Variants in AAK1 observed in about 807,000 individuals in gnomAD.
AAK1 encodes the protein AP2 associated kinase 1.
Under a neutral mutation model 116.0 loss-of-function variants are expected in AAK1, and 37 were observed. That is an observed-to-expected ratio of 0.32 (90% CI 0.25 to 0.42). AAK1 has a LOEUF of 0.42. Ranked by LOEUF, AAK1 falls within the 10% of genes least tolerant of loss-of-function variation. The pLI is 1.00. For missense variants in AAK1, 919 were observed against 1,170.6 expected, an observed-to-expected ratio of 0.79 and a Z score of 3.14; for synonymous variants, 458 against 439.9, an observed-to-expected ratio of 1.04 and a Z score of -0.51.
intron 11 of AAK1, 60 bp from the exon 12 acceptor site, chr2:69,519,300 C>A: frequency 6.8e-7 from 1 of 1,469,380 alleles, no homozygotes; most frequent in Non-Finnish European, 9.0e-7. Context: ...AAATGGCTTT[C>A]TGTCTTGCCA....
At chr2:69,479,091 A>C in intron 19 of AAK1, 30 bp from the exon 20 acceptor site, 4 of 1,452,464 alleles carry the variant, frequency 2.8e-6, no homozygotes, top group Middle Eastern at 1.7e-4. Context: ...ATCCCAGGTC[A>C]GTGATGGCAT....
intron 2 of AAK1, among the ~76,000 whole-genome samples, chr2:69,632,566 T>C (rs903835655): frequency 5.9e-5 from 9 of 151,712 alleles, no homozygotes; most frequent in African/African-American, 2.2e-4. Flanking sequence ...GGTGTGACTT[T>C]AGGCAAATCA....
chr2:69,556,115 C>G (rs184296366), intron 3 of AAK1, among the ~76,000 whole-genome samples: 38 of 152,256 alleles, frequency 2.5e-4, no homozygotes, highest in African/African-American at 9.2e-4. Flanking sequence ...GTCTAATTAA[C>G]ATAACAAAAT....
At chr2:69,487,469 C>T (rs551201466) in intron 17 of AAK1, among the ~76,000 whole-genome samples, 2 of 152,194 alleles carry the variant, frequency 1.3e-5, no homozygotes, top group East Asian at 1.9e-4. Flanking sequence ...ACATCAATCA[C>T]GCTTCACATC....
intron 2 of AAK1, among the ~76,000 whole-genome samples, chr2:69,576,499 C>T (rs2105132727): frequency 6.6e-6 from 1 of 152,224 alleles, no homozygotes; most frequent in South Asian, 2.1e-4. Context: ...TCCTCCCACC[C>T]TCCACCCTCA....
At chr2:69,574,884 G>A (rs888563492) in intron 2 of AAK1, among the ~76,000 whole-genome samples, 3 of 151,778 alleles carry the variant, frequency 2.0e-5, no homozygotes, top group Non-Finnish European at 4.4e-5. Context: ...GATCACTTGA[G>A]CCCAGTGATC....
intron 2 of AAK1, among the ~76,000 whole-genome samples, chr2:69,565,773 C>A (rs1380692804): frequency 6.6e-6 from 1 of 151,662 alleles, no homozygotes; most frequent in Admixed American, 6.6e-5. Context: ...ACGGTAAGAA[C>A]CTGGGTGCAC....
rs1558925598 is a variant in AAK1 at position 69,514,729 on chromosome 2, T to C, written c.1518A>G (p.Ala506=). Residue 506 remains alanine (A), a synonymous_variant, in exon 13 of 22, where the codon GCA becomes GCG. Transcript: ENST00000409085. ...QTQQFQAVHP[A]TQKPAIAQFP... ...ACTGAGCAATTGCTGGTTTCTGGGTTGCTGGATGTACTGCCTGAAACTGAG... is the reference window on the plus strand; with the variant it reads ...ACTGAGCAATTGCTGGTTTCTGGGTCGCTGGATGTACTGCCTGAAACTGAG... The C allele has an allele frequency of 3.1e-6, 5 of 1,602,518 alleles. No homozygotes were observed. In the Admixed American group the frequency reaches 8.4e-5, roughly 27 times the overall value.
chr2:69,563,201 T>C (rs1434926722), intron 2 of AAK1, among the ~76,000 whole-genome samples: 1 of 152,116 alleles, frequency 6.6e-6, no homozygotes, highest in African/African-American at 2.4e-5. Flanking sequence ...CACTGAATCA[T>C]GGTAGAGGGT....
rs1670218737 is a variant in AAK1, at chr2:69,530,680, G to A, written c.683C>T (p.Pro228Leu). The change falls in exon 7 of 22, where the codon CCA (proline) becomes CTA (leucine). Residue 228 changes from proline to leucine, a missense_variant. Physicochemically the swap from Pro to Leu is moderately conservative, Grantham distance 98. This residue lies in a region of AAK1 where 317 missense variants were observed against 490.4 expected (regional missense o/e 0.65). Transcript: ENST00000409085. ...GCCACTGTACAGGTTGACCATTTCTGGTGCTCGATAGGACAGCGTTGTGTA... is the reference window on the plus strand; with the variant it reads ...GCCACTGTACAGGTTGACCATTTCTAGTGCTCGATAGGACAGCGTTGTGTA... ...KKYTTLSYRA[P>L]EMVNLYSGKI... 6.2e-7 allele frequency: 1 copy of A among 1,613,448 alleles called. No homozygotes were observed. Among genetic ancestry groups the A allele is most frequent in the Non-Finnish European group, 8.5e-7 (1 of 1,179,586 alleles).
chr2:69,507,810 G>A (rs1219429248), intron 14 of AAK1, among the ~76,000 whole-genome samples: 1 of 151,704 alleles, frequency 6.6e-6, no homozygotes, highest in African/African-American at 2.4e-5. Context: ...AGGTTCAAGC[G>A]ATTCTCCTGC....
chr2:69,595,999 G>T (rs1673262695), intron 2 of AAK1, among the ~76,000 whole-genome samples: 1 of 152,138 alleles, frequency 6.6e-6, no homozygotes. Flanking sequence ...AACAAGGCCT[G>T]GATGACAGCA....
chr2:69,505,118 CGTGT>C (rs1013478012), intron 16 of AAK1, among the ~76,000 whole-genome samples: 9 of 121,696 alleles, frequency 7.4e-5, no homozygotes, highest in African/African-American at 1.9e-4. Flanking sequence ...AGCGTGCGTG[CGTGT>C]GCGCACACAC....
chr2:69,535,512 C>T (rs1670426940), intron 5 of AAK1, among the ~76,000 whole-genome samples: 1 of 152,036 alleles, frequency 6.6e-6, no homozygotes, highest in African/African-American at 2.4e-5. Context: ...ATTATACTTG[C>T]CTGGTAGTGA....
At chr2:69,589,499 A>C (rs1397218573) in intron 2 of AAK1, among the ~76,000 whole-genome samples, 1 of 152,138 alleles carries the variant, frequency 6.6e-6, no homozygotes, top group Non-Finnish European at 1.5e-5. Flanking sequence ...ACCAGAGGTC[A>C]GGAGTTCGAG....
intron 2 of AAK1, among the ~76,000 whole-genome samples, chr2:69,585,047 C>A (rs79221569): frequency 0.018 from 2,741 of 152,232 alleles, 42 homozygotes; most frequent in Middle Eastern, 0.1. Context: ...TTCCCATTTC[C>A]TCATCACAAT....
chr2:69,635,785 G>A (rs1199338083), intron 2 of AAK1, among the ~76,000 whole-genome samples: 1 of 152,328 alleles, frequency 6.6e-6, no homozygotes, highest in African/African-American at 2.4e-5. Flanking sequence ...AGGCTAGAGA[G>A]AGGTGGGAAT....
At position 69,470,833 on chromosome 2, in the gene AAK1, A is replaced by C. The variant is rs1043073722; in HGVS notation, c.*5036T>G. 1.0e-6 allele frequency: 1 copy of C among 985,758 alleles called. No homozygotes were observed. Among genetic ancestry groups the C allele is most frequent in the Non-Finnish European group, 1.2e-6 (1 of 829,934 alleles). The allele number at this position is 985,758 out of a possible 1,614,324, so 61.1% of individuals were successfully genotyped here. Reference sequence around the variant, plus strand: ...GTACTTATTGTCACTCAATACTGTGATTAAATCCTTTCTGCAAAAAAGTGG... The same window carrying C: ...GTACTTATTGTCACTCAATACTGTGCTTAAATCCTTTCTGCAAAAAAGTGG... On this transcript the variant is annotated 3_prime_UTR_variant, in exon 22 of 22. Transcript: ENST00000409085.
intron 19 of AAK1, among the ~76,000 whole-genome samples, chr2:69,479,971 T>A (rs191941831): frequency 6.6e-6 from 1 of 152,202 alleles, no homozygotes; most frequent in East Asian, 1.9e-4. Flanking sequence ...GTCAGGCTGG[T>A]CTCAAACTCC....
Sources: allele counts gnomAD v4.1 joint callset (sites outside exome capture counted in the v4.1 genomes callset), GRCh38; gene constraint gnomAD v4.1.1; regional missense constraint gnomAD v4.1.1; transcripts MANE v1.5; gene names NCBI Gene and HGNC (gene_info 2026-07-23, HGNC 2026-07-21).